The following ATP2B2 variants were observed in gnomAD, a reference collection of about 807,000 sequenced individuals.
ATP2B2 encodes the protein plasma membrane calcium-transporting ATPase 2.
ATP2B2 carries 15 observed loss-of-function variants against 120.0 expected under a neutral mutation model. The observed-to-expected ratio is 0.12, with a 90% CI of 0.08 to 0.19. The LOEUF (loss-of-function observed/expected upper bound fraction) is 0.19. Among genes scored for constraint, ATP2B2 ranks in the 10% least tolerant of loss-of-function variants. ATP2B2 has a pLI of 1.00. For synonymous variants in ATP2B2, 694 were observed against 700.3 expected (o/e 0.99, Z 0.14); for missense variants, 1,045 against 1,719.8 (o/e 0.61, Z 6.94).
intron 2 of ATP2B2, among the ~76,000 whole-genome samples, chr3:10,542,521 A>C (rs2067461836): frequency 6.6e-6 from 1 of 152,164 alleles, no homozygotes; most frequent in African/African-American, 2.4e-5. Flanking sequence ...TTCTTTTAGG[A>C]TAGGTCTTCT....
At chr3:10,401,776 C>A (rs1297568975) in intron 4 of ATP2B2, among the ~76,000 whole-genome samples, 2 of 152,228 alleles carry the variant, frequency 1.3e-5, no homozygotes, top group Admixed American at 1.3e-4. Flanking sequence ...GAGTGCTGTG[C>A]TGAGAAGGCT....
At chr3:10,611,707 G>A (rs916505279) in intron 2 of ATP2B2, among the ~76,000 whole-genome samples, 6 of 152,040 alleles carry the variant, frequency 3.9e-5, no homozygotes, top group African/African-American at 9.7e-5. Flanking sequence ...CCGTCTCCTC[G>A]CCCTACCGAA....
intron 1 of ATP2B2, among the ~76,000 whole-genome samples, chr3:10,657,969 T>C (rs952517730): frequency 4.6e-5 from 7 of 152,198 alleles, no homozygotes; most frequent in Admixed American, 1.3e-4. Context: ...CCTCTGCTGG[T>C]GATACCCAGG....
chr3:10,704,187 C>T (rs1336529549), intron 1 of ATP2B2, among the ~76,000 whole-genome samples: 3 of 152,152 alleles, frequency 2.0e-5, no homozygotes, highest in Admixed American at 2.0e-4. Context: ...TGGTTGGCCT[C>T]GCCATAACTG....
chr3:10,434,632 CCACA>C (rs1286431938), intron 2 of ATP2B2, among the ~76,000 whole-genome samples: 1 of 152,234 alleles, frequency 6.6e-6, no homozygotes, highest in African/African-American at 2.4e-5. Context: ...TCACCTGAGG[CCACA>C]CAGTGAGTGA....
intron 1 of ATP2B2, among the ~76,000 whole-genome samples, chr3:10,463,240 A>G (rs1291761528): frequency 1.3e-5 from 2 of 152,024 alleles, no homozygotes; most frequent in African/African-American, 2.4e-5. Context: ...TGCCTCCCCA[A>G]CTAGGCCCTG....
intron 1 of ATP2B2, among the ~76,000 whole-genome samples, chr3:10,644,186 T>C (rs1267531195): frequency 6.6e-6 from 1 of 152,110 alleles, no homozygotes; most frequent in Non-Finnish European, 1.5e-5. Flanking sequence ...ACTCAACAAC[T>C]TCACCATCAG....
intron 22 of ATP2B2, chr3:10,331,958 A>G: frequency 6.5e-7 from 1 of 1,545,478 alleles, no homozygotes; most frequent in Non-Finnish European, 8.8e-7. Context: ...CATTCATTTC[A>G]GGCTCAAGGT....
At chr3:10,437,581 T>A (rs949250783) in intron 2 of ATP2B2, among the ~76,000 whole-genome samples, 3 of 152,212 alleles carry the variant, frequency 2.0e-5, no homozygotes, top group African/African-American at 4.8e-5. Flanking sequence ...AGTACAGCAG[T>A]GAGCGTGTCC....
upstream of ATP2B2, among the ~76,000 whole-genome samples, chr3:10,507,251 A>G (rs897628950): frequency 3.3e-5 from 5 of 152,114 alleles, no homozygotes; most frequent in Admixed American, 6.5e-5. Context: ...TCGACCCCAC[A>G]CCAATAGCCC....
chr3:10,481,944 T>C (rs58374346), intron 1 of ATP2B2, among the ~76,000 whole-genome samples: 2,176 of 152,322 alleles, frequency 0.014, 47 homozygotes, highest in African/African-American at 0.05. Context: ...TGTAAATCCA[T>C]GAGGGCAGAG....
intron 1 of ATP2B2, among the ~76,000 whole-genome samples, chr3:10,622,720 G>C (rs1197490911): frequency 6.6e-6 from 1 of 152,218 alleles, no homozygotes; most frequent in Non-Finnish European, 1.5e-5. Flanking sequence ...GCTGAGCTCA[G>C]AGCATGGCCT....
intron 1 of ATP2B2, among the ~76,000 whole-genome samples, chr3:10,653,072 CT>C (rs2070510194): frequency 6.6e-6 from 1 of 152,186 alleles, no homozygotes; most frequent in African/African-American, 2.4e-5. Flanking sequence ...CACCTAAAAA[CT>C]GCTAAGATGG....
intron 5 of ATP2B2, among the ~76,000 whole-genome samples, chr3:10,398,122 T>C (rs1279450308): frequency 6.6e-6 from 1 of 152,164 alleles, no homozygotes; most frequent in Non-Finnish European, 1.5e-5. Context: ...TTTTTGCCAC[T>C]CCCTTGTGCT....
At chr3:10,360,806 T>C (rs1319299198) in intron 12 of ATP2B2, among the ~76,000 whole-genome samples, 1 of 152,204 alleles carries the variant, frequency 6.6e-6, no homozygotes, top group South Asian at 2.1e-4. Context: ...GTATTTTCTA[T>C]GCAATGGCAC....
At chr3:10,466,311 C>A (rs1035986411) in intron 1 of ATP2B2, among the ~76,000 whole-genome samples, 2 of 152,194 alleles carry the variant, frequency 1.3e-5, no homozygotes, top group East Asian at 1.9e-4. Context: ...TTCATGTCTA[C>A]GTGTGCATGC....
intron 1 of ATP2B2, among the ~76,000 whole-genome samples, chr3:10,677,079 G>A (rs917243029): frequency 1.6e-4 from 24 of 152,198 alleles, no homozygotes; most frequent in Admixed American, 5.9e-4. Flanking sequence ...CAAAGCAGTT[G>A]AGAACTTATG....
chr3:10,648,823 C>T (rs1056267305), intron 1 of ATP2B2, among the ~76,000 whole-genome samples: 1 of 152,250 alleles, frequency 6.6e-6, no homozygotes, highest in African/African-American at 2.4e-5. Context: ...CTTCTCCCTA[C>T]CTCCATTTCT....
intron 1 of ATP2B2, among the ~76,000 whole-genome samples, chr3:10,667,815 A>C (rs2070984661): frequency 6.6e-6 from 1 of 152,184 alleles, no homozygotes; most frequent in Admixed American, 6.5e-5. Context: ...ACTGGTGGCC[A>C]AAAACCTCCA....
Sources: gnomAD v4.1 joint callset for allele counts (sites outside exome capture counted in the v4.1 genomes callset) on GRCh38, gnomAD v4.1.1 for gene constraint, MANE v1.5 for transcripts, NCBI Gene and HGNC (gene_info 2026-07-23, HGNC 2026-07-21) for gene names.